CFAP299: variants seen among roughly 807,000 people sequenced by gnomAD.
CFAP299 encodes cilia and flagella associated protein 299.
CFAP299 carries 21 observed loss-of-function variants against 27.0 expected under a neutral mutation model. The observed-to-expected ratio is 0.78, with a 90% CI of 0.55 to 1.12. The LOEUF (loss-of-function observed/expected upper bound fraction) is 1.12. Among genes scored for constraint, CFAP299 ranks in the 50% most tolerant of loss-of-function variants. The pLI, the probability that CFAP299 is intolerant of heterozygous loss-of-function variation, is 0.00. For missense variants in CFAP299, 310 were observed against 276.6 expected (o/e 1.12, Z -0.86); for synonymous variants, 104 against 98.1 (o/e 1.06, Z -0.36).
chr4:80,461,450 C>T (rs1442857251), intron 2 of CFAP299, among the ~76,000 whole-genome samples: 3 of 151,974 alleles, frequency 2.0e-5, no homozygotes, highest in African/African-American at 7.3e-5. Flanking sequence ...GGGTAAAATA[C>T]TTAGATTTCT....
intron 3 of CFAP299, among the ~76,000 whole-genome samples, chr4:80,800,287 A>G (rs1728370653): frequency 1.3e-5 from 1 of 74,990 alleles, no homozygotes; most frequent in South Asian, 4.2e-4. Flanking sequence ...AATATATAAT[A>G]TATTAATATA....
At chr4:80,542,040 G>T (rs1295905041) in intron 2 of CFAP299, among the ~76,000 whole-genome samples, 2 of 152,010 alleles carry the variant, frequency 1.3e-5, no homozygotes, top group South Asian at 4.1e-4. Flanking sequence ...AAAGTAGTTT[G>T]CTTGTTGAGT....
intron 2 of CFAP299, among the ~76,000 whole-genome samples, chr4:80,381,170 A>C (rs1361097516): frequency 6.6e-6 from 1 of 152,190 alleles, no homozygotes; most frequent in Non-Finnish European, 1.5e-5. Flanking sequence ...CCAATAACAA[A>C]ATGCCTTTAA....
intron 2 of CFAP299, among the ~76,000 whole-genome samples, chr4:80,563,959 C>T (rs1735161377): frequency 1.3e-5 from 2 of 151,996 alleles, no homozygotes; most frequent in Non-Finnish European, 2.9e-5. Flanking sequence ...TTCTTAGATA[C>T]ATACAACCAG....
intron 3 of CFAP299, among the ~76,000 whole-genome samples, chr4:80,736,924 C>G (rs888426366): frequency 1.3e-5 from 2 of 152,130 alleles, no homozygotes; most frequent in African/African-American, 2.4e-5. Context: ...AAATGTCCAA[C>G]AATGATAGAC....
rs181938682 is a variant in CFAP299, at chr4:80,868,196, A to G, written c.334-1797A>G. ...CCATTATTGTTGTTTTATACAGTCA[A>G]TATTTGTTTCTATGTACCTCTATAT... On this transcript the variant is annotated intron_variant, in intron 3 of 5. Transcript: ENST00000358105. 3.8e-3 allele frequency among the ~76,000 whole-genome samples: 581 copies of G among 152,176 alleles called. 1 individual carries two copies. Among genetic ancestry groups the G allele is most frequent in the Middle Eastern group, 0.014 (4 of 294 alleles).
chr4:80,386,622 C>T lies in CFAP299; in HGVS notation c.242+23738C>T, dbSNP rs993178756. ...CGGAAAAAGCCCTTGGCACAGCCAG[C>T]ATAGCGGAACTTGTAGTAGCCCGTG... On this transcript the variant is annotated intron_variant, in intron 2 of 5. Transcript: ENST00000358105. 86 of 1,598,132 alleles carry T rather than the reference C, an allele frequency of 5.4e-5. No homozygotes were observed. In the Admixed American group the frequency reaches 1.4e-3, roughly 26 times the overall value.
intron 2 of CFAP299, chr4:80,387,534 C>A: frequency 1.1e-6 from 1 of 886,292 alleles, no homozygotes; most frequent in Non-Finnish European, 1.9e-6. Context: ...GGGGCTGGCC[C>A]AACCCTGTGT....
At chr4:80,566,316 T>G (rs181201541) in intron 2 of CFAP299, among the ~76,000 whole-genome samples, 27 of 152,162 alleles carry the variant, frequency 1.8e-4, no homozygotes, top group Middle Eastern at 6.8e-3. Context: ...AACTCCCCTA[T>G]CTAAACCCCT....
chr4:80,645,464 T>C (rs1303567714), intron 3 of CFAP299, among the ~76,000 whole-genome samples: 1 of 152,160 alleles, frequency 6.6e-6, no homozygotes, highest in Non-Finnish European at 1.5e-5. Flanking sequence ...ATATCTGTAT[T>C]CACAGATTTG....
intron 3 of CFAP299, among the ~76,000 whole-genome samples, chr4:80,695,131 G>A (rs1721004957): frequency 6.6e-6 from 1 of 152,208 alleles, no homozygotes; most frequent in Non-Finnish European, 1.5e-5. Context: ...TTGGGGACAG[G>A]ATAGTATTTA....
At chr4:80,776,909 T>C (rs920745682) in intron 3 of CFAP299, among the ~76,000 whole-genome samples, 1 of 151,618 alleles carries the variant, frequency 6.6e-6, no homozygotes, top group African/African-American at 2.4e-5. Context: ...CAACACAGTC[T>C]TATTCAACCT....
intron 4 of CFAP299, among the ~76,000 whole-genome samples, chr4:80,922,050 G>C (rs1736072410): frequency 6.6e-6 from 1 of 152,008 alleles, no homozygotes; most frequent in African/African-American, 2.4e-5. Flanking sequence ...GAACATGTAG[G>C]CTACAGTAGA....
intron 4 of CFAP299, among the ~76,000 whole-genome samples, chr4:80,906,616 A>C (rs1735198762): frequency 6.6e-6 from 1 of 152,014 alleles, no homozygotes; most frequent in Admixed American, 6.6e-5. Flanking sequence ...ACATTCCCAA[A>C]CCTCAATTCT....
chr4:80,884,531 A>G (rs757357258), intron 4 of CFAP299, among the ~76,000 whole-genome samples: 1 of 152,110 alleles, frequency 6.6e-6, no homozygotes, highest in Non-Finnish European at 1.5e-5. Context: ...AGTGTGTAGC[A>G]ATAAACACCT....
intron 3 of CFAP299, among the ~76,000 whole-genome samples, chr4:80,583,618 A>G (rs1736284518): frequency 6.6e-6 from 1 of 151,990 alleles, no homozygotes; most frequent in Non-Finnish European, 1.5e-5. Context: ...CAAATCACGT[A>G]GTAGAAGAAC....
Position 80,335,884 on chromosome 4 carries a change from G to C in CFAP299, c.111+5G>C, listed in dbSNP as rs964022909. ...GTGGACTTGTACTACCTGGAGGTAA[G>C]GGCGGAGCGCGGCAGAGTAGCCGCC... On this transcript the variant is annotated splice_donor_5th_base_variant and intron_variant, in intron 1 of 5. Coordinates refer to ENST00000358105, the MANE Select transcript of CFAP299 (RefSeq NM_152770.3). 2 of 1,582,488 alleles carry C rather than the reference G, an allele frequency of 1.3e-6. No homozygotes were observed. The highest frequency in any genetic ancestry group is 1.7e-6 in the Non-Finnish European group (2 of 1,151,306).
intron 2 of CFAP299, among the ~76,000 whole-genome samples, chr4:80,473,146 C>T (rs1398111686): frequency 6.6e-6 from 1 of 151,884 alleles, no homozygotes; most frequent in African/African-American, 2.4e-5. Flanking sequence ...TTCAGAGTGC[C>T]CTGGGAACTC....
intron 3 of CFAP299, among the ~76,000 whole-genome samples, chr4:80,860,282 C>G (rs569443996): frequency 2.0e-5 from 3 of 152,292 alleles, no homozygotes; most frequent in Admixed American, 2.0e-4. Context: ...AAGCACTTCT[C>G]TGTATTGGTT....
Sources: gnomAD v4.1 joint callset for allele counts (sites outside exome capture counted in the v4.1 genomes callset) on GRCh38, gnomAD v4.1.1 for gene constraint, MANE v1.5 for transcripts, NCBI Gene and HGNC (gene_info 2026-07-23, HGNC 2026-07-21) for gene names.